PTPRM: variants seen among roughly 807,000 people sequenced by gnomAD.
The protein encoded by PTPRM is receptor-type tyrosine-protein phosphatase mu.
PTPRM carries 47 observed loss-of-function variants against 186.7 expected under a neutral mutation model. That is an observed-to-expected ratio of 0.25 (90% CI 0.20 to 0.32). The LOEUF is 0.32. Among genes scored for constraint, PTPRM ranks in the 10% least tolerant of loss-of-function variants. The pLI, the probability that PTPRM is intolerant of heterozygous loss-of-function variation, is 1.00. For synonymous variants in PTPRM, 668 were observed against 674.9 expected (o/e 0.99, Z 0.16); for missense variants, 1,494 against 1,865.0 (o/e 0.80, Z 3.66).
intron 3 of PTPRM, among the ~76,000 whole-genome samples, chr18:7,904,008 A>C (rs919095598): frequency 6.6e-6 from 1 of 152,222 alleles, no homozygotes; most frequent in Non-Finnish European, 1.5e-5. Flanking sequence ...CTTTGTATCT[A>C]AAGATTTCAT....
At chr18:7,766,259 TC>T (rs139720222) in intron 1 of PTPRM, among the ~76,000 whole-genome samples, 5,769 of 152,256 alleles carry the variant, frequency 0.038, 359 homozygotes, top group African/African-American at 0.13. Flanking sequence ...CCGATCAGGA[TC>T]CAATCAGGAG....
At chr18:7,901,518 C>G (rs2049684354) in intron 3 of PTPRM, among the ~76,000 whole-genome samples, 1 of 152,154 alleles carries the variant, frequency 6.6e-6, no homozygotes, top group Non-Finnish European at 1.5e-5. Flanking sequence ...AGGCGCCCGC[C>G]AACACGCCCG....
chr18:8,172,526 CATAT>C (rs578182433), intron 14 of PTPRM, among the ~76,000 whole-genome samples: 1 of 152,140 alleles, frequency 6.6e-6, no homozygotes, highest in South Asian at 2.1e-4. Flanking sequence ...ATACCCCAGG[CATAT>C]TGAATCAGAA....
chr18:7,818,341 T>C (rs1477612942), intron 2 of PTPRM, among the ~76,000 whole-genome samples: 1 of 152,224 alleles, frequency 6.6e-6, no homozygotes, highest in Non-Finnish European at 1.5e-5. Flanking sequence ...GTTCCTTTAC[T>C]TCGTTCAGTC....
chr18:8,190,990 G>A (rs2093702668), intron 14 of PTPRM, among the ~76,000 whole-genome samples: 1 of 152,210 alleles, frequency 6.6e-6, no homozygotes, highest in East Asian at 1.9e-4. Context: ...TCAGCTGGAA[G>A]CCTGCTGCCT....
Position 8,113,611 on chromosome 18 carries a change from T to A in PTPRM, c.1982T>A (p.Phe661Tyr). 6.2e-7 allele frequency: 1 copy of A among 1,614,176 alleles called. No homozygotes were observed. Among genetic ancestry groups the A allele is most frequent in the Non-Finnish European group, 8.5e-7 (1 of 1,180,004 alleles). The change falls in exon 12 of 33, where the codon TTT becomes TAT. Residue 661 changes from phenylalanine (F) to tyrosine (Y), a missense_variant. This residue lies in a region of PTPRM where 1,107 missense variants were observed against 1,350.2 expected (regional missense o/e 0.82). Transcript: ENST00000580170. ...NASLLNSQYY[F>Y]AAEFPADSLQ... ...TCTCTGCTGAACTCACAGTACTACTTTGCTGCAGAATTTCCTGCAGACAGC... is the reference window on the plus strand; with the variant it reads ...TCTCTGCTGAACTCACAGTACTACTATGCTGCAGAATTTCCTGCAGACAGC...
At chr18:7,962,624 G>T (rs991793990) in intron 7 of PTPRM, among the ~76,000 whole-genome samples, 1 of 152,196 alleles carries the variant, frequency 6.6e-6, no homozygotes, top group African/African-American at 2.4e-5. Context: ...TCCTTGGCAA[G>T]GGGGCATTAC....
chr18:7,891,065 C>T (rs912291088), intron 3 of PTPRM, among the ~76,000 whole-genome samples: 1 of 151,250 alleles, frequency 6.6e-6, no homozygotes, highest in Non-Finnish European at 1.5e-5. Context: ...TCACCTGGGT[C>T]CAGGAGTTTA....
chr18:8,211,586 G>A (rs1396760997), intron 14 of PTPRM, among the ~76,000 whole-genome samples: 5 of 151,610 alleles, frequency 3.3e-5, no homozygotes, highest in African/African-American at 7.3e-5. Flanking sequence ...TCTATCTTTA[G>A]TAGAGACAGG....
At chr18:8,174,672 G>A (rs1035094245) in intron 14 of PTPRM, among the ~76,000 whole-genome samples, 1 of 152,092 alleles carries the variant, frequency 6.6e-6, no homozygotes, top group Non-Finnish European at 1.5e-5. Context: ...CTTGCTACCT[G>A]AGTAAGAATG....
intron 2 of PTPRM, among the ~76,000 whole-genome samples, chr18:7,812,448 G>A (rs1023913422): frequency 1.3e-5 from 2 of 152,164 alleles, no homozygotes; most frequent in Non-Finnish European, 2.9e-5. Context: ...GATGGTGAAT[G>A]GTATTTTGCA....
At chr18:7,905,220 C>T (rs1001373636) in intron 3 of PTPRM, among the ~76,000 whole-genome samples, 4 of 152,176 alleles carry the variant, frequency 2.6e-5, no homozygotes, top group Admixed American at 6.5e-5. Flanking sequence ...CTCAAACTCC[C>T]GACCTCAGGT....
chr18:8,384,642 G>A lies in PTPRM; in HGVS notation c.4000G>A (p.Glu1334Lys), dbSNP rs771291765. ...GGAATTTGTCTCTGCTGACCTGGAA[G>A]AGGACATCATCAGCAGGATATTCCG... is the stretch of plus-strand genomic sequence containing the variant. Reference protein sequence around the residue: ...QVEFVSADLEEDIISRIFRIY... With the variant: ...QVEFVSADLEKDIISRIFRIY... The change falls in exon 30 of 33, where the codon GAG (glutamate) becomes AAG (lysine). Residue 1334 changes from glutamate to lysine, a missense_variant. Physicochemically the swap from Glu to Lys is moderately conservative, Grantham distance 56. Coordinates refer to ENST00000580170, the MANE Select transcript of PTPRM (RefSeq NM_001105244.2). The A allele has an allele frequency of 5.6e-6, 9 of 1,614,078 alleles. No homozygotes were observed. The highest frequency in any genetic ancestry group is 1.3e-5 in the African/African-American group (1 of 74,926).
intron 5 of PTPRM, among the ~76,000 whole-genome samples, chr18:7,934,951 A>G (rs996309518): frequency 5.9e-5 from 9 of 152,298 alleles, no homozygotes; most frequent in African/African-American, 1.7e-4. Context: ...TTTTGTATGT[A>G]TGCGATGTTG....
chr18:8,076,413 T>A (rs1192383756), intron 8 of PTPRM, 42 bp from the exon 9 acceptor site: 1 of 1,206,046 alleles, frequency 8.3e-7, no homozygotes, highest in African/African-American at 1.5e-5. Flanking sequence ...ACTTTTTAAT[T>A]GTTTATTACT....
At chr18:7,982,420 CA>C (rs2082607758) in intron 7 of PTPRM, among the ~76,000 whole-genome samples, 1 of 151,776 alleles carries the variant, frequency 6.6e-6, no homozygotes, top group Non-Finnish European at 1.5e-5. Context: ...GGAAGGTCTT[CA>C]GGGGGCAGTA....
intron 14 of PTPRM, among the ~76,000 whole-genome samples, chr18:8,222,769 G>GGCA (rs1417527651): frequency 6.6e-6 from 1 of 152,186 alleles, no homozygotes; most frequent in Non-Finnish European, 1.5e-5. Flanking sequence ...TTTCACTATA[G>GGCA]GCAGCTTATG....
chr18:7,981,162 C>T (rs905037009), intron 7 of PTPRM, among the ~76,000 whole-genome samples: 2 of 152,140 alleles, frequency 1.3e-5, no homozygotes, highest in African/African-American at 4.8e-5. Context: ...TACCTCTCTG[C>T]CCCCCGCCCA....
chr18:8,262,800 T>C (rs2094648389), intron 19 of PTPRM, among the ~76,000 whole-genome samples: 1 of 152,246 alleles, frequency 6.6e-6, no homozygotes, highest in East Asian at 1.9e-4. Flanking sequence ...CAATACTGAA[T>C]ATGTGCTGAA....
Sources: allele counts gnomAD v4.1 joint callset (sites outside exome capture counted in the v4.1 genomes callset), GRCh38; gene constraint gnomAD v4.1.1; regional missense constraint gnomAD v4.1.1; transcripts MANE v1.5; gene names NCBI Gene and HGNC (gene_info 2026-07-23, HGNC 2026-07-21).